NDUFA10: variants seen among roughly 807,000 people sequenced by gnomAD.
The protein encoded by NDUFA10 is NADH dehydrogenase [ubiquinone] 1 alpha subcomplex subunit 10, mitochondrial.
In NDUFA10, 40 loss-of-function variants were observed where a neutral mutation model predicts 47.8. That is an observed-to-expected ratio of 0.84 (90% CI 0.65 to 1.09). The LOEUF is 1.09. Among genes scored for constraint, NDUFA10 ranks in the 50% least tolerant of loss-of-function variants. NDUFA10 has a pLI of 0.00. For missense variants in NDUFA10, 413 were observed against 451.1 expected, an observed-to-expected ratio of 0.92 and a Z score of 0.76; for synonymous variants, 183 against 172.2, an observed-to-expected ratio of 1.06 and a Z score of -0.49.
At chr2:239,980,320 G>A (rs570076522) in intron 9 of NDUFA10, among the ~76,000 whole-genome samples, 5 of 152,328 alleles carry the variant, frequency 3.3e-5, no homozygotes, top group South Asian at 2.1e-4. Flanking sequence ...TTGGCAGCAG[G>A]TATTGGGATA....
At position 239,982,174 on chromosome 2, in the gene NDUFA10, C is replaced by G. The variant is rs1052028922; in HGVS notation, c.999+7900G>C. ...AGACCAGTGAGAAGCACTTCAGGACCCTCTCTTGTACTCTGCACAGCCCGC... is the reference window on the plus strand; with the variant it reads ...AGACCAGTGAGAAGCACTTCAGGACGCTCTCTTGTACTCTGCACAGCCCGC... On this transcript the variant is annotated intron_variant, in intron 9 of 9. Transcript: ENST00000252711. 56 of 1,612,870 alleles carry G rather than the reference C, an allele frequency of 3.5e-5. No individual in the cohort carries two copies. The African/African-American group carries it at 6.7e-4, about 19-fold the overall frequency.
intron 4 of NDUFA10, among the ~76,000 whole-genome samples, chr2:239,941,540 A>G (rs1194201958): frequency 2.6e-5 from 4 of 152,132 alleles, no homozygotes; most frequent in East Asian, 3.9e-4. Context: ...AGACTGGCCA[A>G]TATGGTAAAA....
rs367813176 is a variant in NDUFA10 at position 240,018,594 on chromosome 2, A to G, written c.506T>C (p.Phe169Ser). The G allele has an allele frequency of 3.3e-5, 53 of 1,614,082 alleles. No individual in the cohort carries two copies. The highest frequency in any genetic ancestry group is 4.5e-5 in the Non-Finnish European group (53 of 1,180,054). ...TCCCTGGTTGTACATCGCCTCCAGG[A>G]ACACAAAGTCACTGAAGATGGAGCG... ...LERSIFSDFV[F>S]LEAMYNQGFI... The change falls in exon 4 of 10, where the codon TTC (phenylalanine) becomes TCC (serine). Residue 169 changes from phenylalanine (F) to serine (S), a missense_variant. Phe to Ser is a radical substitution (Grantham distance 155). Transcript: ENST00000252711.
At chr2:239,980,454 G>C (rs1302741121) in intron 9 of NDUFA10, among the ~76,000 whole-genome samples, 1 of 152,180 alleles carries the variant, frequency 6.6e-6, no homozygotes, top group Non-Finnish European at 1.5e-5. Flanking sequence ...TGCCTTCGGG[G>C]TTGGGGATTT....
At chr2:239,992,970 A>G (rs1399183210) in intron 8 of NDUFA10, among the ~76,000 whole-genome samples, 1 of 152,234 alleles carries the variant, frequency 6.6e-6, no homozygotes, top group Non-Finnish European at 1.5e-5. Flanking sequence ...CCCTCAATTG[A>G]GAAATGGTAC....
At chr2:239,922,024 C>A (rs1693996447) in intron 4 of NDUFA10, among the ~76,000 whole-genome samples, 2 of 104,148 alleles carry the variant, frequency 1.9e-5, no homozygotes, top group East Asian at 5.2e-4. Flanking sequence ...TTCCCTTCTT[C>A]CTTCTTTCCT....
At chr2:239,935,786 C>T (rs770850398) in intron 4 of NDUFA10, among the ~76,000 whole-genome samples, 29 of 152,322 alleles carry the variant, frequency 1.9e-4, no homozygotes, top group Admixed American at 1.0e-3. Flanking sequence ...TTCTCTTTTG[C>T]CTGCCGCCAT....
Position 239,960,961 on chromosome 2 carries a change from T to C in NDUFA10, c.*157A>G, listed in dbSNP as rs1017450915. 3.5e-5 allele frequency: 53 copies of C among 1,533,176 alleles called. No homozygotes were observed. Among genetic ancestry groups the C allele is most frequent in the Non-Finnish European group, 4.3e-5 (49 of 1,139,762 alleles). 95.0% of individuals were successfully genotyped at this position (1,533,176 alleles called of 1,614,324 possible). On this transcript the variant is annotated 3_prime_UTR_variant, in exon 10 of 10. Coordinates refer to ENST00000252711, the MANE Select transcript of NDUFA10 (RefSeq NM_004544.4). ...CTTCCCCCAACTCCATTACCTATAC[T>C]ACAGGATGGATTGCTTTTTGTGAGA...
At chr2:239,978,873 G>A (rs115987745) in intron 9 of NDUFA10, among the ~76,000 whole-genome samples, 3,824 of 152,214 alleles carry the variant, frequency 0.025, 172 homozygotes, top group African/African-American at 0.088. Context: ...TCTTCCCACC[G>A]TTTGTATGCT....
intron 4 of NDUFA10, among the ~76,000 whole-genome samples, chr2:239,908,098 G>A (rs1693687975): frequency 6.6e-6 from 1 of 152,132 alleles, no homozygotes; most frequent in African/African-American, 2.4e-5. Flanking sequence ...TCCTTTGTAG[G>A]GACATGGATG....
intron 4 of NDUFA10, among the ~76,000 whole-genome samples, chr2:239,903,722 T>TTTCC (rs1235610575): frequency 6.6e-6 from 1 of 152,234 alleles, no homozygotes; most frequent in Non-Finnish European, 1.5e-5. Context: ...TTTCCTGCAA[T>TTTCC]TTCCTTCCCC....
intron 9 of NDUFA10, among the ~76,000 whole-genome samples, chr2:239,966,546 G>A (rs1251174071): frequency 6.6e-6 from 1 of 152,188 alleles, no homozygotes; most frequent in Non-Finnish European, 1.5e-5. Flanking sequence ...ATACAGGAAA[G>A]ACTGGAGAAG....
intron 4 of NDUFA10, among the ~76,000 whole-genome samples, chr2:239,910,506 A>T (rs1389851733): frequency 6.6e-6 from 1 of 152,122 alleles, no homozygotes; most frequent in African/African-American, 2.4e-5. Flanking sequence ...TGTAAGTGGG[A>T]GCTGAATGAT....
At chr2:239,980,258 G>A (rs532776726) in intron 9 of NDUFA10, among the ~76,000 whole-genome samples, 1 of 152,362 alleles carries the variant, frequency 6.6e-6, no homozygotes, top group South Asian at 2.1e-4. Context: ...AAGTGCAGAA[G>A]TGGTAGGACA....
chr2:240,020,924 A>C (rs1697594158), intron 3 of NDUFA10, among the ~76,000 whole-genome samples: 1 of 152,168 alleles, frequency 6.6e-6, no homozygotes, highest in African/African-American at 2.4e-5. Flanking sequence ...TTCATATATA[A>C]ATGAATATGT....
intron 8 of NDUFA10, among the ~76,000 whole-genome samples, chr2:240,001,809 C>T (rs1696732190): frequency 6.6e-6 from 1 of 152,328 alleles, no homozygotes; most frequent in African/African-American, 2.4e-5. Context: ...AATCAGCTGA[C>T]TTCAATGACT....
At chr2:240,015,828 T>C (rs2106490053) in intron 4 of NDUFA10, among the ~76,000 whole-genome samples, 1 of 152,310 alleles carries the variant, frequency 6.6e-6, no homozygotes, top group African/African-American at 2.4e-5. Context: ...CAGATGGCCA[T>C]GCTAGGGTCC....
In NDUFA10 at chr2:240,019,614, C is replaced by T. The variant is rs1402394093; in HGVS notation, c.461-975G>A. Among the ~76,000 whole-genome samples the T allele has an allele frequency of 2.4e-4, 7 of 29,108 alleles. No homozygotes were observed. The East Asian group carries it at 4.7e-3, about 20-fold the overall frequency. The allele number at this position is 29,108 out of a possible 152,430, so 19.1% of individuals were successfully genotyped here. A position where few individuals can be genotyped will look rare whatever the true frequency, so the allele number is the denominator to read the frequency against. On this transcript the variant is annotated intron_variant, in intron 3 of 9. Transcript: ENST00000252711. ...CGGGCGGATCACGAGGTCAGGAGATCGAGACCATCCCGGCTAAAACGGTGA... is the reference window on the plus strand; with the variant it reads ...CGGGCGGATCACGAGGTCAGGAGATTGAGACCATCCCGGCTAAAACGGTGA...
intron 4 of NDUFA10, among the ~76,000 whole-genome samples, chr2:239,948,114 C>T (rs1252491120): frequency 1.5e-5 from 2 of 137,580 alleles, no homozygotes; most frequent in African/African-American, 2.5e-5. Context: ...GTTCAGTTAA[C>T]GGCAGCAAGG....
Sources: gnomAD v4.1 joint callset for allele counts (sites outside exome capture counted in the v4.1 genomes callset) on GRCh38, gnomAD v4.1.1 for gene constraint, MANE v1.5 for transcripts, NCBI Gene and HGNC (gene_info 2026-07-23, HGNC 2026-07-21) for gene names.